Variants in DCP1A observed in about 807,000 individuals in gnomAD.
The protein encoded by DCP1A is decapping mRNA 1A, also known as mRNA-decapping enzyme 1A.
DCP1A carries 20 observed loss-of-function variants against 58.0 expected under a neutral mutation model. The ratio of observed to expected loss-of-function variants is 0.34; its 90% confidence interval spans 0.24 to 0.50. The LOEUF (loss-of-function observed/expected upper bound fraction) is 0.50, where lower values mean the gene tolerates loss of function less well. DCP1A is among the 20% of genes least tolerant of loss of function. The probability of loss-of-function intolerance (pLI) is 0.98; values close to 1 mark genes in which losing one functional copy is unlikely to be tolerated. For missense variants in DCP1A, 613 were observed against 712.2 expected (o/e 0.86, Z 1.59); for synonymous variants, 285 against 275.1 (o/e 1.04, Z -0.36).
At chr3:53,345,168 A>G (rs1471377397) in intron 1 of DCP1A, among the ~76,000 whole-genome samples, 1 of 152,196 alleles carries the variant, frequency 6.6e-6, no homozygotes, top group African/African-American at 2.4e-5. Context: ...TTAATCCAGC[A>G]ACATATCTGT....
intron 4 of DCP1A, among the ~76,000 whole-genome samples, 193 bp from the exon 5 acceptor site, chr3:53,312,572 T>C (rs144283450): frequency 0.011 from 1,677 of 147,890 alleles, 34 homozygotes; most frequent in African/African-American, 0.04. Context: ...CTCGGCTCAC[T>C]GCAAACTCCA....
intron 6 of DCP1A, 35 bp from the exon 7 acceptor site, chr3:53,292,862 T>C (rs782750198): frequency 1.9e-6 from 3 of 1,572,016 alleles, no homozygotes; most frequent in Non-Finnish European, 2.6e-6. Context: ...GTCAAAGAGG[T>C]CTGTTATAAA....
intron 4 of DCP1A, among the ~76,000 whole-genome samples, chr3:53,317,151 TTTG>T (rs1265835832): frequency 2.3e-4 from 35 of 152,018 alleles, no homozygotes; most frequent in African/African-American, 4.3e-4. Context: ...CCTGTGCCTT[TTTG>T]TTGTTGTTGT....
intron 3 of DCP1A, among the ~76,000 whole-genome samples, chr3:53,328,032 A>G (rs191205150): frequency 1.3e-5 from 2 of 152,282 alleles, no homozygotes; most frequent in African/African-American, 4.8e-5. Context: ...AGGCAGAAGA[A>G]TCACTTGAAC....
intron 2 of DCP1A, among the ~76,000 whole-genome samples, chr3:53,344,271 A>G (rs1436950617): frequency 6.6e-6 from 1 of 152,218 alleles, no homozygotes; most frequent in Non-Finnish European, 1.5e-5. Flanking sequence ...CAAGTACCCC[A>G]TGACTATCAT....
At chr3:53,289,139 T>C (rs1231541361) in intron 8 of DCP1A, among the ~76,000 whole-genome samples, 1 of 151,284 alleles carries the variant, frequency 6.6e-6, no homozygotes, top group Non-Finnish European at 1.5e-5. Flanking sequence ...TTTGATTTTT[T>C]TGTAAAGACG....
At chr3:53,297,635 C>T (rs1373312477) in intron 6 of DCP1A, among the ~76,000 whole-genome samples, 8 of 152,148 alleles carry the variant, frequency 5.3e-5, no homozygotes, top group African/African-American at 1.7e-4. Context: ...GCTGGGATTA[C>T]AGCCACCGTG....
At chr3:53,303,798 G>A (rs1296007467) in intron 6 of DCP1A, among the ~76,000 whole-genome samples, 1 of 152,210 alleles carries the variant, frequency 6.6e-6, no homozygotes, top group Non-Finnish European at 1.5e-5. Context: ...GAGGCCTGGG[G>A]TAGAGGGGCC....
At chr3:53,292,961 G>A (rs1428103866) in intron 6 of DCP1A, 134 bp from the exon 7 acceptor site, 1 of 900,110 alleles carries the variant, frequency 1.1e-6, no homozygotes, top group Non-Finnish European at 1.6e-6. Flanking sequence ...GGAAAAAACT[G>A]AAGATATACT....
At chr3:53,321,366 GA>G (rs1707961363) in intron 3 of DCP1A, among the ~76,000 whole-genome samples, 1 of 152,158 alleles carries the variant, frequency 6.6e-6, no homozygotes, top group African/African-American at 2.4e-5. Flanking sequence ...GGGGTTAACG[GA>G]GAGACTAAGT....
At chr3:53,316,423 AT>A in intron 4 of DCP1A, among the ~76,000 whole-genome samples, 1 of 152,058 alleles carries the variant, frequency 6.6e-6, no homozygotes, top group Non-Finnish European at 1.5e-5. Context: ...TCACCAGGGT[AT>A]TCTCTAATCA....
chr3:53,302,488 A>G (rs1470578744), intron 6 of DCP1A, among the ~76,000 whole-genome samples: 1 of 152,224 alleles, frequency 6.6e-6, no homozygotes, highest in African/African-American at 2.4e-5. Flanking sequence ...ACTGTTTTAC[A>G]TGGTGCTTAT....
rs535998613 is a variant in DCP1A, at chr3:53,346,301, CTCT to C, written c.135+1079_135+1081del. 4.7e-4 allele frequency among the ~76,000 whole-genome samples: 72 copies of C among 152,320 alleles called. No homozygotes were observed. In the South Asian group the frequency reaches 9.5e-3, roughly 20 times the overall value. ...AAGATAAACAACGTGATTATAAAAA[CTCT>C]TCATCTGAATTAACTGTTCATAAAT... On this transcript the variant is annotated intron_variant, in intron 1 of 9. Transcript: ENST00000610213.
At chr3:53,304,039 G>T in intron 6 of DCP1A, 138 bp downstream of exon 6, 1 of 613,496 alleles carries the variant, frequency 1.6e-6, no homozygotes, top group Non-Finnish European at 2.8e-6. Context: ...CTCGGATCAT[G>T]ACCTAGGAGG....
chr3:53,307,877 G>A (rs1176791831), intron 5 of DCP1A, among the ~76,000 whole-genome samples: 3 of 152,074 alleles, frequency 2.0e-5, no homozygotes, highest in African/African-American at 4.8e-5. Flanking sequence ...GAAGCCTAGG[G>A]TATCATTTAT....
intron 1 of DCP1A, 112 bp from the exon 2 acceptor site, chr3:53,345,054 T>C: frequency 2.4e-6 from 2 of 843,036 alleles, no homozygotes; most frequent in Non-Finnish European, 3.8e-6. Context: ...ATTTCATCTA[T>C]TATAAAATTA....
chr3:53,331,400 T>C (rs2088996440), intron 3 of DCP1A, among the ~76,000 whole-genome samples: 1 of 152,032 alleles, frequency 6.6e-6, no homozygotes. Flanking sequence ...CTTAAGATTA[T>C]AATACCACAT....
intron 3 of DCP1A, among the ~76,000 whole-genome samples, chr3:53,323,114 G>A (rs927142971): frequency 2.0e-5 from 3 of 152,080 alleles, no homozygotes; most frequent in Non-Finnish European, 4.4e-5. Context: ...GTGAGCCACC[G>A]CGCCCGGCCG....
chr3:53,299,528 T>A (rs1418914746), intron 6 of DCP1A, among the ~76,000 whole-genome samples: 1 of 152,228 alleles, frequency 6.6e-6, no homozygotes, highest in Non-Finnish European at 1.5e-5. Flanking sequence ...TAGAGAATTT[T>A]ACATGTCTGT....
Sources: allele counts gnomAD v4.1 joint callset (sites outside exome capture counted in the v4.1 genomes callset), GRCh38; gene constraint gnomAD v4.1.1; transcripts MANE v1.5; gene names NCBI Gene and HGNC (gene_info 2026-07-23, HGNC 2026-07-21).